Variants in LYSMD1 observed in about 807,000 individuals in gnomAD.
The protein encoded by LYSMD1 is LysM domain containing 1, also known as lysM and putative peptidoglycan-binding domain-containing protein 1.
Under a neutral mutation model 19.3 loss-of-function variants are expected in LYSMD1, and 9 were observed. That is an observed-to-expected ratio of 0.47 (90% CI 0.28 to 0.81). LYSMD1 has a LOEUF of 0.81. LYSMD1 is among the 40% of genes least tolerant of loss of function. The pLI, the probability that LYSMD1 is intolerant of heterozygous loss-of-function variation, is 0.11. For missense variants in LYSMD1, 262 were observed against 279.8 expected (o/e 0.94, Z 0.45); for synonymous variants, 111 against 111.7 (o/e 0.99, Z 0.04).
At chr1:151,151,610 AT>A in the LYSMD1 span, among the ~76,000 whole-genome samples, 1 of 150,926 alleles carries the variant, frequency 6.6e-6, no homozygotes, top group Non-Finnish European at 1.5e-5. Flanking sequence ...TTCCATTTGG[AT>A]TTTTCATGTT....
chr1:151,163,428 G>A (rs1408789354), intron 1 of LYSMD1, among the ~76,000 whole-genome samples: 5 of 151,926 alleles, frequency 3.3e-5, no homozygotes, highest in Admixed American at 3.3e-4. Context: ...GCTCATTAAT[G>A]CTTTATTTAA....
chr1:151,163,996 C>T (rs587649541), intron 1 of LYSMD1, among the ~76,000 whole-genome samples: 23 of 151,444 alleles, frequency 1.5e-4, no homozygotes, highest in South Asian at 8.4e-4. Context: ...TGGGTTCAAG[C>T]GATTCTCCCG....
At chr1:151,161,404 G>A (rs1683447143) in intron 2 of LYSMD1, among the ~76,000 whole-genome samples, 1 of 152,060 alleles carries the variant, frequency 6.6e-6, no homozygotes, top group South Asian at 2.1e-4. Flanking sequence ...GGCTGAGGCA[G>A]GAGAATGGCG....
At chr1:151,149,472 G>A in the LYSMD1 span, among the ~76,000 whole-genome samples, 7,037 of 152,078 alleles carry the variant, frequency 0.046, 531 homozygotes, top group African/African-American at 0.16. Context: ...AGTCCTGGCC[G>A]GGCGCAGTGA....
intron 2 of LYSMD1, among the ~76,000 whole-genome samples, 163 bp downstream of exon 2, chr1:151,161,573 C>T (rs1473074911): frequency 6.6e-6 from 1 of 152,152 alleles, no homozygotes; most frequent in African/African-American, 2.4e-5. Context: ...TCTACCCAGG[C>T]CAGCAGCCAT....
At position 151,165,639 on chromosome 1, in the gene LYSMD1, C is replaced by G. The variant is rs41268530; in HGVS notation, c.-381G>C. ...CAGGGCGCTCCAACATCCCAGCTCT[C>G]CCCGGTCCCGGGGTTTGTTTGCTAG... On this transcript the variant is annotated 5_prime_UTR_variant, in exon 1 of 3. Transcript: ENST00000368908. 7.4e-3 allele frequency: 11,456 copies of G among 1,545,094 alleles called. 122 individuals carry two copies. Among genetic ancestry groups the G allele is most frequent in the African/African-American group, 0.04 (2,891 of 73,128 alleles).
At chr1:151,158,108 A>C (rs890812998), downstream of LYSMD1, among the ~76,000 whole-genome samples, 9 of 151,940 alleles carry the variant, frequency 5.9e-5, no homozygotes, top group Admixed American at 1.3e-4. Context: ...GCAGATCATG[A>C]GGTCAGGAGT....
rs1466195885 is a variant in LYSMD1, at chr1:151,165,702, C to T, written c.-444G>A. On this transcript the variant is annotated 5_prime_UTR_variant, in exon 1 of 3. Transcript: ENST00000368908. Reference sequence around the variant, plus strand: ...ATCAGGCCCACCCCAGGTGAACTGTCGCCGCAGACGAAGAGCGTGAGGATT... The same window carrying T: ...ATCAGGCCCACCCCAGGTGAACTGTTGCCGCAGACGAAGAGCGTGAGGATT... The T allele has an allele frequency of 6.4e-7, 1 of 1,551,634 alleles. No homozygotes were observed. Among genetic ancestry groups the T allele is most frequent in the Non-Finnish European group, 8.7e-7 (1 of 1,146,994 alleles).
At chr1:151,159,582 G>A (rs1683360504), downstream of LYSMD1, 2 of 294,536 alleles carry the variant, frequency 6.8e-6, no homozygotes, top group African/African-American at 4.4e-5. Flanking sequence ...ACCAAGGAAA[G>A]GAGGCACAGC....
intron 1 of LYSMD1, among the ~76,000 whole-genome samples, 155 bp downstream of exon 1, chr1:151,164,924 G>A (rs983116281): frequency 6.6e-6 from 1 of 152,186 alleles, no homozygotes; most frequent in Non-Finnish European, 1.5e-5. Flanking sequence ...GGCAGGACTT[G>A]TGCAACACTG....
chr1:151,151,655 C>T, the LYSMD1 span, among the ~76,000 whole-genome samples: 10 of 151,582 alleles, frequency 6.6e-5, no homozygotes, highest in East Asian at 3.9e-4. Context: ...AGTAGCCAGG[C>T]GCAGTGGCTC....
chr1:151,156,495 A>G (rs587645789), downstream of LYSMD1: 18 of 152,298 alleles, frequency 1.2e-4, no homozygotes, highest in African/African-American at 4.1e-4. Flanking sequence ...AATTGAGACT[A>G]TTTCCAACAG....
the LYSMD1 span, among the ~76,000 whole-genome samples, chr1:151,150,379 C>T: frequency 2.2e-4 from 33 of 152,208 alleles, no homozygotes; most frequent in African/African-American, 8.0e-4. Flanking sequence ...AGTCATCACT[C>T]GATTTCTCTT....
chr1:151,159,360 A>G (rs587766368), downstream of LYSMD1: 29 of 1,181,046 alleles, frequency 2.5e-5, no homozygotes, highest in South Asian at 4.4e-4. Context: ...TTCAATCTTC[A>G]GGCTTCATTC....
chr1:151,156,908 C>A (rs767052030), downstream of LYSMD1, among the ~76,000 whole-genome samples: 3 of 151,990 alleles, frequency 2.0e-5, no homozygotes, highest in Non-Finnish European at 4.4e-5. Context: ...GTTTTGGATG[C>A]GGTGGGGGCA....
chr1:151,158,608 A>C, downstream of LYSMD1: 1 of 1,248,958 alleles, frequency 8.0e-7, no homozygotes, highest in Non-Finnish European at 1.1e-6. Flanking sequence ...TAAAGAAGCA[A>C]CAGAAAAGGG....
At chr1:151,159,274 C>T, downstream of LYSMD1, 1 of 1,588,246 alleles carries the variant, frequency 6.3e-7, no homozygotes, top group Non-Finnish European at 8.6e-7. Flanking sequence ...CTAGCACATT[C>T]CACCTTGACA....
chr1:151,157,996 T>C (rs1683282449), downstream of LYSMD1, among the ~76,000 whole-genome samples: 1 of 152,216 alleles, frequency 6.6e-6, no homozygotes, highest in Admixed American at 6.5e-5. Flanking sequence ...CACAGACATA[T>C]GGCACAGAGT....
At position 151,165,443 on chromosome 1, in the gene LYSMD1, C is replaced by G; in HGVS notation, c.-185G>C. ...CCCGGTTTCTCCTCCCTCCAAGCTA[C>G]TTATCCACAAATCTGTCCCTTGAGT... On this transcript the variant is annotated 5_prime_UTR_variant, in exon 1 of 3. Transcript: ENST00000368908. 7.0e-7 allele frequency: 1 copy of G among 1,434,376 alleles called. No individual in the cohort carries two copies. Among genetic ancestry groups the G allele is most frequent in the East Asian group, 2.5e-5 (1 of 39,900 alleles). The allele number at this position is 1,434,376 out of a possible 1,614,324, so 88.9% of individuals were successfully genotyped here.
Sources: allele counts gnomAD v4.1 joint callset (sites outside exome capture counted in the v4.1 genomes callset), GRCh38; gene constraint gnomAD v4.1.1; transcripts MANE v1.5; gene names NCBI Gene and HGNC (gene_info 2026-07-23, HGNC 2026-07-21).